RAPGEF1: variants seen among roughly 807,000 people sequenced by gnomAD.
RAPGEF1 encodes Rap guanine nucleotide exchange factor 1.
A neutral mutation model predicts 143.3 loss-of-function variants in RAPGEF1; 33 were observed. That is an observed-to-expected ratio of 0.23 (90% confidence interval 0.17 to 0.31). RAPGEF1 has a LOEUF of 0.31. Among genes scored for constraint, RAPGEF1 ranks in the 10% least tolerant of loss-of-function variants. The pLI is 1.00. For missense variants in RAPGEF1, 1,199 were observed against 1,645.4 expected (o/e 0.73, Z 4.69); for synonymous variants, 629 against 676.5 (o/e 0.93, Z 1.09).
At chr9:131,710,060 C>T (rs1435651589) in intron 1 of RAPGEF1, 1 of 583,924 alleles carries the variant, frequency 1.7e-6, no homozygotes, top group Non-Finnish European at 2.2e-6. Context: ...CACTTTTCTC[C>T]GCAGGAGAAA....
chr9:131,590,628 C>T (rs374270915), intron 18 of RAPGEF1, among the ~76,000 whole-genome samples: 17 of 152,326 alleles, frequency 1.1e-4, no homozygotes, highest in Non-Finnish European at 1.8e-4. Flanking sequence ...TGCTCGCCAT[C>T]GACTCCCCAG....
intron 1 of RAPGEF1, among the ~76,000 whole-genome samples, chr9:131,718,596 G>A (rs975614380): frequency 1.3e-5 from 2 of 152,154 alleles, no homozygotes; most frequent in Admixed American, 1.3e-4. Flanking sequence ...CTGGATGTGC[G>A]CTGGGAGAGA....
At chr9:131,731,505 T>A (rs1389783219) in intron 1 of RAPGEF1, among the ~76,000 whole-genome samples, 2 of 152,238 alleles carry the variant, frequency 1.3e-5, no homozygotes, top group African/African-American at 4.8e-5. Flanking sequence ...CACATTCCAC[T>A]GGATGTCAGC....
chr9:131,637,219 C>T (rs1210103856), intron 5 of RAPGEF1, among the ~76,000 whole-genome samples: 4 of 150,162 alleles, frequency 2.7e-5, no homozygotes, highest in Admixed American at 6.6e-5. Context: ...AGTGACATTC[C>T]GTCTCAGAGA....
chr9:131,602,230 AG>A, intron 14 of RAPGEF1, 81 bp from the exon 15 acceptor site: 2 of 1,079,150 alleles, frequency 1.9e-6, no homozygotes, highest in Middle Eastern at 2.0e-4. Context: ...CCTGCCTGCA[AG>A]TGGCTGTGGA....
intron 12 of RAPGEF1, among the ~76,000 whole-genome samples, chr9:131,608,003 G>C (rs952750082): frequency 1.3e-5 from 2 of 152,214 alleles, no homozygotes; most frequent in Non-Finnish European, 2.9e-5. Context: ...TGCCTCTTCC[G>C]GGAGACGGCA....
intron 1 of RAPGEF1, among the ~76,000 whole-genome samples, chr9:131,692,189 T>C (rs1589024287): frequency 6.6e-6 from 1 of 152,216 alleles, no homozygotes; most frequent in African/African-American, 2.4e-5. Flanking sequence ...ACTGCAGTTG[T>C]GTAAATAATC....
rs577021061 is a variant in RAPGEF1 at position 131,657,155 on chromosome 9, C to T, written c.62-6206G>A. Reference sequence around the variant, plus strand: ...GCTGAGGAGGTACTATAATGCTTTGCGATAGCAGGGTGGGGAGGAAACGAC... The same window carrying T: ...GCTGAGGAGGTACTATAATGCTTTGTGATAGCAGGGTGGGGAGGAAACGAC... On this transcript the variant is annotated intron_variant, in intron 1 of 26. Transcript: ENST00000683357. Among the ~76,000 whole-genome samples, 6 of 152,168 alleles carry T rather than the reference C, an allele frequency of 3.9e-5. No individual in the cohort carries two copies. In the South Asian group the frequency reaches 6.2e-4, roughly 16 times the overall value.
Position 131,584,489 on chromosome 9 carries a change from G to A in RAPGEF1, c.3312+29C>T. 1 of 1,613,414 alleles carries A rather than the reference G, an allele frequency of 6.2e-7. No individual in the cohort carries two copies. The highest frequency in any genetic ancestry group is 8.5e-7 in the Non-Finnish European group (1 of 1,179,314). ...CTCCCAGAGCAGGGACTGATGATGG[G>A]GGCCTGGGAAGGACTTGGCCACCAT... On this transcript the variant is annotated intron_variant, in intron 23 of 26. Coordinates refer to ENST00000683357, the MANE Select transcript of RAPGEF1 (RefSeq NM_001377935.1). The surrounding 1 kb of genome is among the most constrained non-coding windows in gnomAD (Gnocchi z 6.8).
chr9:131,711,260 C>A (rs912510197), intron 1 of RAPGEF1, among the ~76,000 whole-genome samples: 1 of 151,958 alleles, frequency 6.6e-6, no homozygotes, highest in Non-Finnish European at 1.5e-5. Flanking sequence ...CTATGTTGCT[C>A]AGGCTGGTCT....
chr9:131,596,213 C>T, intron 17 of RAPGEF1, 85 bp downstream of exon 17: 2 of 1,305,010 alleles, frequency 1.5e-6, no homozygotes, highest in Non-Finnish European at 2.2e-6. Flanking sequence ...CTGTGGCTGC[C>T]AGGAGGGGAC....
At chr9:131,596,624 C>T (rs926463920) in intron 16 of RAPGEF1, among the ~76,000 whole-genome samples, 8 of 152,130 alleles carry the variant, frequency 5.3e-5, no homozygotes, top group African/African-American at 1.7e-4. Flanking sequence ...GGAGCTGCCC[C>T]GGCACCAAGG....
chr9:131,702,811 G>A (rs528785339), intron 1 of RAPGEF1, among the ~76,000 whole-genome samples: 2 of 152,252 alleles, frequency 1.3e-5, no homozygotes, highest in African/African-American at 2.4e-5. Context: ...AACAGCAGGT[G>A]AATGATTTCA....
At chr9:131,732,100 C>T (rs1305751775) in intron 1 of RAPGEF1, among the ~76,000 whole-genome samples, 1 of 152,174 alleles carries the variant, frequency 6.6e-6, no homozygotes, top group Admixed American at 6.5e-5. Context: ...GCCCATGCCT[C>T]TTGACAAAGA....
At chr9:131,588,714 G>A in intron 20 of RAPGEF1, 87 bp downstream of exon 20, 1 of 1,365,286 alleles carries the variant, frequency 7.3e-7, no homozygotes, top group Non-Finnish European at 9.9e-7. Flanking sequence ...ACCAGGATGG[G>A]GCTGTGGGGC....
chr9:131,627,805 A>T, intron 9 of RAPGEF1, 108 bp downstream of exon 9: 1 of 1,213,710 alleles, frequency 8.2e-7, no homozygotes. Flanking sequence ...CAAGTCAGCC[A>T]AAGCCACGTA....
intron 1 of RAPGEF1, among the ~76,000 whole-genome samples, chr9:131,660,011 G>T (rs952085645): frequency 2.4e-4 from 37 of 152,160 alleles, no homozygotes; most frequent in African/African-American, 8.2e-4. Context: ...GTAGAGACGG[G>T]GTTTCACCGT....
chr9:131,650,088 G>C lies in RAPGEF1; in HGVS notation c.315+41C>G. 2 of 1,506,400 alleles carry C rather than the reference G, an allele frequency of 1.3e-6. No homozygotes were observed. Among genetic ancestry groups the C allele is most frequent in the Non-Finnish European group, 1.8e-6 (2 of 1,090,746 alleles). 93.3% of individuals were successfully genotyped at this position (1,506,400 alleles called of 1,614,324 possible). A position where few individuals can be genotyped will look rare whatever the true frequency, so the allele number is the denominator to read the frequency against. The stretch of plus-strand genomic sequence containing the variant: ...AACCATGGACCAGGATTCTGCAGTA[G>C]AAGGCAAGGCAAACCCAATTGTTCT... On this transcript the variant is annotated intron_variant, in intron 3 of 26. Coordinates refer to ENST00000683357, the MANE Select transcript of RAPGEF1 (RefSeq NM_001377935.1). This position sits in a 1 kb window ranked among gnomAD's most constrained non-coding sequence, Gnocchi z 4.7.
At chr9:131,581,530 A>G (rs1311424047) in intron 25 of RAPGEF1, among the ~76,000 whole-genome samples, 1 of 143,266 alleles carries the variant, frequency 7.0e-6, no homozygotes, top group Non-Finnish European at 1.6e-5. Context: ...CTCTACTAAA[A>G]AAAATACAAA....
Sources: allele counts gnomAD v4.1 joint callset (sites outside exome capture counted in the v4.1 genomes callset), GRCh38; gene constraint gnomAD v4.1.1; non-coding constraint Gnocchi (gnomAD v3.1); transcripts MANE v1.5; gene names NCBI Gene and HGNC (gene_info 2026-07-23, HGNC 2026-07-21).